Variants in TM4SF1 observed in about 807,000 individuals in gnomAD.
TM4SF1 encodes the protein transmembrane 4 L six family member 1, also known as transmembrane 4 L6 family member 1.
A neutral mutation model predicts 24.5 loss-of-function variants in TM4SF1; 20 were observed. The ratio of observed to expected loss-of-function variants is 0.82; its 90% CI spans 0.57 to 1.19. The LOEUF is 1.19. Among genes scored for constraint, TM4SF1 ranks in the 50% most tolerant of loss-of-function variants. TM4SF1 has a pLI of 0.00. For synonymous variants in TM4SF1, 107 were observed against 95.4 expected, an observed-to-expected ratio of 1.12 and a Z score of -0.71; for missense variants, 258 against 248.1, an observed-to-expected ratio of 1.04 and a Z score of -0.27.
chr3:149,369,789 T>C lies in TM4SF1; in HGVS notation c.*77A>G. ...AGTATGTTACACTAATACAAAGTTT[T>C]ACAAATGAATACAAGTGAAATATAT... On this transcript the variant is annotated 3_prime_UTR_variant, in exon 5 of 5. Transcript: ENST00000305366. The C allele has an allele frequency of 1.3e-6, 2 of 1,592,826 alleles. No individual in the cohort carries two copies. The highest frequency in any genetic ancestry group is 1.7e-6 in the Non-Finnish European group (2 of 1,166,930).
At chr3:149,375,839 T>C in intron 1 of TM4SF1, 70 bp from the exon 2 acceptor site, 1 of 1,375,952 alleles carries the variant, frequency 7.3e-7, no homozygotes, top group Non-Finnish European at 1.0e-6. Context: ...TAGGCATCTC[T>C]TGGTAAAATA....
At chr3:149,375,898 TC>T (rs1174128388) in intron 1 of TM4SF1, 129 bp from the exon 2 acceptor site, 2 of 794,550 alleles carry the variant, frequency 2.5e-6, no homozygotes, top group Non-Finnish European at 4.1e-6. Flanking sequence ...TGACCAGATA[TC>T]TCAAAGAATG....
chr3:149,370,640 T>G (rs188417207), intron 4 of TM4SF1: 28 of 152,310 alleles, frequency 1.8e-4, no homozygotes, highest in Admixed American at 9.8e-4. Flanking sequence ...AGGTTTCCCA[T>G]TCCCTTATTT....
At chr3:149,377,204 A>G (rs958066509) in intron 1 of TM4SF1, among the ~76,000 whole-genome samples, 167 bp downstream of exon 1, 2 of 152,252 alleles carry the variant, frequency 1.3e-5, no homozygotes, top group African/African-American at 2.4e-5. Flanking sequence ...TTACTACGCT[A>G]TACTGTACCA....
chr3:149,376,535 T>C (rs563660095), intron 1 of TM4SF1, among the ~76,000 whole-genome samples: 2 of 152,306 alleles, frequency 1.3e-5, no homozygotes, highest in African/African-American at 4.8e-5. Flanking sequence ...AAAATCTCAT[T>C]AAATAAATAA....
Position 149,370,085 on chromosome 3 carries a change from C to A in TM4SF1, c.595-205G>T, listed in dbSNP as rs1731784452. 1.4e-5 allele frequency: 7 copies of A among 518,154 alleles called. No homozygotes were observed. In the South Asian group the frequency reaches 1.6e-4, roughly 12 times the overall value. 32.1% of individuals were successfully genotyped at this position (518,154 alleles called of 1,614,324 possible). A position where few individuals can be genotyped will look rare whatever the true frequency, so the allele number is the denominator to read the frequency against. The stretch of plus-strand genomic sequence containing the variant: ...ATCCCTTGTCTTCCATGAGTAAAGG[C>A]TGCAGAAAGGGCCCATAGAAACTGC... On this transcript the variant is annotated intron_variant, in intron 4 of 4. Transcript: ENST00000305366.
At position 149,376,483 on chromosome 3, in the gene TM4SF1, A is replaced by G. The variant is rs1276464995; in HGVS notation, c.178-714T>C. ...CATGAGTTCAAGACCAGCCTGGGCA[A>G]CATGGCGAAACCCCGTCTCATTAAA... On this transcript the variant is annotated intron_variant, in intron 1 of 4. Transcript: ENST00000305366. 2.0e-5 allele frequency among the ~76,000 whole-genome samples: 3 copies of G among 152,228 alleles called. No individual in the cohort carries two copies. In the East Asian group the frequency reaches 5.8e-4, roughly 29 times the overall value.
At chr3:149,375,833 C>T (rs1731938773) in intron 1 of TM4SF1, 64 bp from the exon 2 acceptor site, 22 of 1,428,802 alleles carry the variant, frequency 1.5e-5, no homozygotes, top group Non-Finnish European at 2.2e-5. Flanking sequence ...TCAGGTTAGG[C>T]ATCTCTTGGT....
At chr3:149,372,784 C>T (rs905636552) in intron 3 of TM4SF1, among the ~76,000 whole-genome samples, 30 of 152,244 alleles carry the variant, frequency 2.0e-4, no homozygotes, top group Admixed American at 7.8e-4. Context: ...CCACCACGCC[C>T]GGCTGATAGC....
At chr3:149,374,654 G>A (rs540208111) in intron 3 of TM4SF1, among the ~76,000 whole-genome samples, 21 of 152,228 alleles carry the variant, frequency 1.4e-4, no homozygotes, top group African/African-American at 5.1e-4. Flanking sequence ...TACTTATATA[G>A]CTTAATAACT....
In TM4SF1 at chr3:149,377,452, A is replaced by G. The variant is rs747050363; in HGVS notation, c.96T>C (p.Asn32=). The G allele has an allele frequency of 2.5e-6, 4 of 1,614,230 alleles. No homozygotes were observed. Among genetic ancestry groups the G allele is most frequent in the Non-Finnish European group, 3.4e-6 (4 of 1,180,048 alleles). Residue 32 remains asparagine, a synonymous_variant, in exon 1 of 5, where the codon AAT becomes AAC. Transcript: ENST00000305366. ...TTTCGGAGGCATACTTTGTTTCCCC[A>G]TTGGGAAAGTAAAGCAAAATATTAG... The part of the protein sequence containing the change: ...IAANILLYFP[N]GETKYASENH...
chr3:149,369,808 A>C lies in TM4SF1; in HGVS notation c.*58T>G, dbSNP rs1731776720. The C allele has an allele frequency of 6.2e-7, 1 of 1,604,994 alleles. No individual in the cohort carries two copies. Among genetic ancestry groups the C allele is most frequent in the Non-Finnish European group, 8.5e-7 (1 of 1,176,160 alleles). On this transcript the variant is annotated 3_prime_UTR_variant, in exon 5 of 5. Transcript: ENST00000305366. ...AAGTTTTACAAATGAATACAAGTGAAATATATAAATTACAATGAAATAGAG... is the reference window on the plus strand; with the variant it reads ...AAGTTTTACAAATGAATACAAGTGACATATATAAATTACAATGAAATAGAG...
rs1163145357 is a variant in TM4SF1, at chr3:149,371,729, T to C, written c.552A>G (p.Gly184=). Residue 184 remains glycine (G), a synonymous_variant, in exon 4 of 5, where the codon GGA becomes GGG. Coordinates refer to ENST00000305366, the MANE Select transcript of TM4SF1 (RefSeq NM_014220.3). ...FILCLIQVIN[G]VLGGICGFCC... The stretch of plus-strand genomic sequence containing the variant: ...AAAAGCCACATATGCCTCCAAGCAC[T>C]CCATTTATTACTTGAATAAGACACA... 6.2e-7 allele frequency: 1 copy of C among 1,614,102 alleles called. No individual in the cohort carries two copies. The highest frequency in any genetic ancestry group is 8.5e-7 in the Non-Finnish European group (1 of 1,180,014).
rs1222255323 is a variant in TM4SF1, at chr3:149,372,009, A to T, written c.414-142T>A. 5.5e-6 allele frequency: 4 copies of T among 720,934 alleles called. No individual in the cohort carries two copies. The African/African-American group carries it at 7.2e-5, about 13-fold the overall frequency. 44.7% of individuals were successfully genotyped at this position (720,934 alleles called of 1,614,324 possible). ...GTGTAAGTTTCTTCCACTGCATGTC[A>T]TTCCACAAAATGGAGGAATTTAGCC... On this transcript the variant is annotated intron_variant, in intron 3 of 4. Coordinates refer to ENST00000305366, the MANE Select transcript of TM4SF1 (RefSeq NM_014220.3).
chr3:149,374,995 A>C (rs1370065535), intron 3 of TM4SF1, among the ~76,000 whole-genome samples: 1 of 152,182 alleles, frequency 6.6e-6, no homozygotes, highest in African/African-American at 2.4e-5. Flanking sequence ...GAATTACTCC[A>C]TCTCTCTGTG....
chr3:149,372,948 G>C (rs1731865088), intron 3 of TM4SF1, among the ~76,000 whole-genome samples: 1 of 152,190 alleles, frequency 6.6e-6, no homozygotes, highest in Admixed American at 6.5e-5. Flanking sequence ...GCTCTGTCCT[G>C]AAAGAGCATA....
rs1252319772 is a variant in TM4SF1, at chr3:149,369,671, T to G, written c.*195A>C. 1 of 644,068 alleles carries G rather than the reference T, an allele frequency of 1.6e-6. No individual in the cohort carries two copies. Among genetic ancestry groups the G allele is most frequent in the South Asian group, 2.3e-5 (1 of 43,552 alleles). 39.9% of individuals were successfully genotyped at this position (644,068 alleles called of 1,614,324 possible). On this transcript the variant is annotated 3_prime_UTR_variant, in exon 5 of 5. Coordinates refer to ENST00000305366, the MANE Select transcript of TM4SF1 (RefSeq NM_014220.3). ...TTCCTTAAAAAAAAACAAAAACAAA[T>G]AAACAAACAAAAAAGAAGTTTACTA...
Position 149,377,571 on chromosome 3 carries a change from C to T in TM4SF1, c.-24G>A. The T allele has an allele frequency of 1.3e-6, 2 of 1,598,392 alleles. No homozygotes were observed. Among genetic ancestry groups the T allele is most frequent in the Non-Finnish European group, 1.7e-6 (2 of 1,171,036 alleles). On this transcript the variant is annotated 5_prime_UTR_variant, in exon 1 of 5. Transcript: ENST00000305366. ...ATGGTGGTCTGCTAGGTTTTCTCCCCCTTCTCTTTGTCTTCAGCTCAGTGA... is the reference window on the plus strand; with the variant it reads ...ATGGTGGTCTGCTAGGTTTTCTCCCTCTTCTCTTTGTCTTCAGCTCAGTGA...
rs547702584 is a variant in TM4SF1 at position 149,377,386 on chromosome 3, T to C, written c.162A>G (p.Val54=). 5.0e-6 allele frequency: 8 copies of C among 1,613,982 alleles called. No individual in the cohort carries two copies. In the South Asian group the frequency reaches 7.7e-5, roughly 16 times the overall value. Residue 54 remains valine (V), a synonymous_variant, in exon 1 of 5, where the codon GTA becomes GTG. Transcript: ENST00000305366. ...AATGACTTACCAGCAGGCCACCTCC[T>C]ACGATGCCAGAAAAGAACCACACGA... ...SRFVWFFSGI[V]GGGLLMLLPA...
Sources: allele counts gnomAD v4.1 joint callset (sites outside exome capture counted in the v4.1 genomes callset), GRCh38; gene constraint gnomAD v4.1.1; transcripts MANE v1.5; gene names NCBI Gene and HGNC (gene_info 2026-07-23, HGNC 2026-07-21).